The following STK39 variants were observed in gnomAD, a reference collection of about 807,000 sequenced individuals.
STK39 encodes the protein serine/threonine kinase 39, also known as STE20/SPS1-related proline-alanine-rich protein kinase.
A neutral mutation model predicts 77.8 loss-of-function variants in STK39; 20 were observed. That is an observed-to-expected ratio of 0.26 (90% CI 0.18 to 0.37). STK39 has a LOEUF of 0.37. Ranked by LOEUF, STK39 falls within the 10% of genes least tolerant of loss-of-function variation. The pLI, the probability that STK39 is intolerant of heterozygous loss-of-function variation, is 1.00. For missense variants in STK39, 479 were observed against 656.5 expected, an observed-to-expected ratio of 0.73 and a Z score of 2.95; for synonymous variants, 246 against 234.1, an observed-to-expected ratio of 1.05 and a Z score of -0.47.
chr2:168,044,045 G>C (rs549479947), intron 14 of STK39, among the ~76,000 whole-genome samples: 35 of 152,212 alleles, frequency 2.3e-4, no homozygotes, highest in African/African-American at 8.4e-4. Context: ...CCTTTCTCTG[G>C]GGAGGTTGTG....
rs753876364 is a variant in STK39, at chr2:167,955,331, AT to A, written c.*164del. On this transcript the variant is annotated 3_prime_UTR_variant, in exon 18 of 18. Transcript: ENST00000355999. ...GGAGTGTTGTAAGTTTTAAAAAATTATTTTTTTATCCCATTTTGTTGAAGCC... is the reference window on the plus strand; with the variant it reads ...GGAGTGTTGTAAGTTTTAAAAAATTATTTTTTATCCCATTTTGTTGAAGCC... 24 of 612,074 alleles carry A rather than the reference AT, an allele frequency of 3.9e-5. No homozygotes were observed. In the Middle Eastern group the frequency reaches 2.1e-3, roughly 55 times the overall value. The allele number at this position is 612,074 out of a possible 1,614,324, so 37.9% of individuals were successfully genotyped here.
chr2:168,201,475 G>C lies in STK39; in HGVS notation c.209-19385C>G, dbSNP rs181475002. Among the ~76,000 whole-genome samples the C allele has an allele frequency of 1.6e-3, 247 of 152,282 alleles. 1 individual carries two copies. The highest frequency in any genetic ancestry group is 5.7e-3 in the African/African-American group (236 of 41,552). On this transcript the variant is annotated intron_variant, in intron 1 of 17. Coordinates refer to ENST00000355999, the MANE Select transcript of STK39 (RefSeq NM_013233.3). ...TTCATTTCAGGAGCTAGCAAGCTCTGGCCATCATGGGTCAGTGAGCCGGCC... is the reference window on the plus strand; with the variant it reads ...TTCATTTCAGGAGCTAGCAAGCTCTCGCCATCATGGGTCAGTGAGCCGGCC...
intron 14 of STK39, among the ~76,000 whole-genome samples, chr2:168,020,758 T>C (rs941153631): frequency 6.6e-6 from 1 of 152,114 alleles, no homozygotes; most frequent in Non-Finnish European, 1.5e-5. Flanking sequence ...ATTTTTTCCA[T>C]GACTGTGTTC....
rs369887534 is a variant in STK39 at position 168,138,085 on chromosome 2, T to C, written c.974+3A>G. On this transcript the variant is annotated splice_donor_region_variant and intron_variant, in intron 8 of 17. Coordinates refer to ENST00000355999, the MANE Select transcript of STK39 (RefSeq NM_013233.3). ...ATTAACTCATCCACTAAGTTTCACT[T>C]ACCTTTTGGAAGGATCTTTCTGAAG... The C allele has an allele frequency of 1.9e-6, 3 of 1,613,288 alleles. No individual in the cohort carries two copies. The highest frequency in any genetic ancestry group is 1.1e-5 in the South Asian group (1 of 90,894).
At chr2:168,236,149 A>G (rs538344123) in intron 1 of STK39, among the ~76,000 whole-genome samples, 2 of 152,124 alleles carry the variant, frequency 1.3e-5, no homozygotes, top group African/African-American at 4.8e-5. Context: ...TCACCATTCT[A>G]ACTGGTGTGA....
intron 16 of STK39, among the ~76,000 whole-genome samples, chr2:168,008,264 G>C (rs1245328822): frequency 6.6e-6 from 1 of 152,208 alleles, no homozygotes; most frequent in Non-Finnish European, 1.5e-5. Flanking sequence ...AACTCAACTG[G>C]GAGTTGAGAG....
chr2:167,969,328 T>A (rs1170743885), intron 16 of STK39, among the ~76,000 whole-genome samples: 2 of 152,138 alleles, frequency 1.3e-5, no homozygotes, highest in East Asian at 3.9e-4. Context: ...AGAATTGGAG[T>A]GTGTTACCTC....
chr2:168,097,434 T>C (rs145960954), intron 10 of STK39, among the ~76,000 whole-genome samples: 1,656 of 152,232 alleles, frequency 0.011, 16 homozygotes, highest in Middle Eastern at 0.044. Flanking sequence ...CAACTGAGAC[T>C]AGTAGAATGG....
At chr2:168,224,029 A>C (rs897740668) in intron 1 of STK39, among the ~76,000 whole-genome samples, 1 of 152,134 alleles carries the variant, frequency 6.6e-6, no homozygotes, top group African/African-American at 2.4e-5. Flanking sequence ...TTACACACAT[A>C]AACACACAAA....
At chr2:168,164,683 T>C (rs970235270) in intron 3 of STK39, among the ~76,000 whole-genome samples, 3 of 152,182 alleles carry the variant, frequency 2.0e-5, no homozygotes, top group Admixed American at 6.5e-5. Flanking sequence ...GCTGGGCTTA[T>C]AGGCATAAGC....
At chr2:168,136,106 T>C (rs111691124) in intron 8 of STK39, among the ~76,000 whole-genome samples, 9,022 of 151,960 alleles carry the variant, frequency 0.059, 328 homozygotes, top group Non-Finnish European at 0.088. Context: ...CGGTAGCTCA[T>C]GCCTGTAATC....
intron 2 of STK39, 144 bp downstream of exon 2, chr2:168,181,834 G>A (rs1689088941): frequency 1.6e-6 from 1 of 627,868 alleles, no homozygotes; most frequent in Admixed American, 2.5e-5. Context: ...CCATTAATCT[G>A]GGGAGCAGGA....
chr2:168,042,916 A>G (rs1022219955), intron 14 of STK39, among the ~76,000 whole-genome samples: 5 of 152,100 alleles, frequency 3.3e-5, no homozygotes, highest in African/African-American at 9.7e-5. Context: ...GGGTCCATAG[A>G]TGGGTTTCTG....
At chr2:168,234,924 A>C (rs1047343399) in intron 1 of STK39, among the ~76,000 whole-genome samples, 5 of 152,044 alleles carry the variant, frequency 3.3e-5, no homozygotes, top group African/African-American at 1.2e-4. Flanking sequence ...AGGCCAAGGC[A>C]GGAGAATCAC....
chr2:168,140,580 T>C, intron 6 of STK39, 69 bp downstream of exon 6: 1 of 1,318,398 alleles, frequency 7.6e-7, no homozygotes, highest in Non-Finnish European at 1.1e-6. Flanking sequence ...ACAAATGAAA[T>C]GTTAGCATAT....
chr2:168,188,357 G>C (rs1689258747), intron 1 of STK39, among the ~76,000 whole-genome samples: 2 of 152,182 alleles, frequency 1.3e-5, no homozygotes, highest in Admixed American at 6.5e-5. Context: ...ACCTGGCATA[G>C]CAAGACAGTC....
chr2:168,139,424 A>ATATATATATATATATATAT (rs1559115953), intron 7 of STK39, among the ~76,000 whole-genome samples: 1 of 150,462 alleles, frequency 6.6e-6, no homozygotes, highest in East Asian at 1.9e-4. Context: ...ATATATATAT[A>ATATATATATATATATATAT]AAAACAATAA....
chr2:168,242,558 AAAAT>A (rs1425971207), intron 1 of STK39, among the ~76,000 whole-genome samples: 5 of 63,598 alleles, frequency 7.9e-5, no homozygotes, highest in African/African-American at 3.8e-4. Context: ...AAAAAAAAAA[AAAAT>A]ATATATATAT....
chr2:167,963,620 T>A (rs1692063118), intron 17 of STK39, among the ~76,000 whole-genome samples: 1 of 151,976 alleles, frequency 6.6e-6, no homozygotes. Flanking sequence ...TACATCTGAA[T>A]AAAATGTTAC....
Sources: allele counts gnomAD v4.1 joint callset (sites outside exome capture counted in the v4.1 genomes callset), GRCh38; gene constraint gnomAD v4.1.1; transcripts MANE v1.5; gene names NCBI Gene and HGNC (gene_info 2026-07-23, HGNC 2026-07-21).